ARID1B: variants seen among roughly 807,000 people sequenced by gnomAD.
ARID1B encodes the protein AT-rich interactive domain-containing protein 1B.
Under a neutral mutation model 212.3 loss-of-function variants are expected in ARID1B, and 30 were observed. The ratio of observed to expected loss-of-function variants is 0.14; its 90% CI spans 0.11 to 0.19. The LOEUF is 0.19. Among genes scored for constraint, ARID1B ranks in the 10% least tolerant of loss-of-function variants. The pLI is 1.00. For missense variants in ARID1B, 2,891 were observed against 3,204.0 expected, an observed-to-expected ratio of 0.90 and a Z score of 2.36; for synonymous variants, 1,402 against 1,301.7, an observed-to-expected ratio of 1.08 and a Z score of -1.66.
chr6:157,206,652 G>T lies in ARID1B; in HGVS notation c.5880G>T (p.Lys1960Asn). ...TEHIQTHFES[K>N]MEIPPRRRPP... ...ACATTCAGACTCACTTTGAGAGCAA[G>T]ATGGAAATTCCTCCTCGCAGGCGCC... Residue 1960 changes from lysine (K) to asparagine (N), a missense_variant, in exon 20 of 20, where the codon AAG (lysine) becomes AAT (asparagine). By Grantham distance (94) the Lys-to-Asn change is moderately conservative. Transcript: ENST00000636930. The surrounding 1 kb of genome is among the most constrained non-coding windows in gnomAD (Gnocchi z 6.8). 6.2e-7 allele frequency: 1 copy of T among 1,613,830 alleles called. No individual in the cohort carries two copies. The highest frequency in any genetic ancestry group is 8.5e-7 in the Non-Finnish European group (1 of 1,180,024).
intron 1 of ARID1B, among the ~76,000 whole-genome samples, chr6:156,806,374 C>T (rs955617448): frequency 6.6e-6 from 1 of 152,224 alleles, no homozygotes; most frequent in Admixed American, 6.5e-5. Flanking sequence ...TTCAGAACCT[C>T]CTTAGAGCTG....
intron 2 of ARID1B, among the ~76,000 whole-genome samples, chr6:156,871,101 A>T (rs530635815): frequency 7.9e-5 from 12 of 152,222 alleles, no homozygotes; most frequent in African/African-American, 2.9e-4. Flanking sequence ...CATTAATCTG[A>T]GGAGGTTTGA....
At chr6:157,045,188 G>T (rs997366051) in intron 4 of ARID1B, among the ~76,000 whole-genome samples, 5 of 152,184 alleles carry the variant, frequency 3.3e-5, no homozygotes, top group Admixed American at 6.5e-5. Flanking sequence ...TTTAAACAGG[G>T]TCATGAAATT....
intron 4 of ARID1B, among the ~76,000 whole-genome samples, chr6:157,067,693 A>G (rs1372001412): frequency 6.6e-6 from 1 of 152,000 alleles, no homozygotes; most frequent in Non-Finnish European, 1.5e-5. Context: ...GTGGTCATTG[A>G]CCTATTTGTT....
chr6:157,078,472 A>G (rs537417148), intron 4 of ARID1B, among the ~76,000 whole-genome samples: 2 of 152,332 alleles, frequency 1.3e-5, no homozygotes, highest in South Asian at 4.1e-4. Flanking sequence ...TTTCTAGTCT[A>G]CGTAACTCCT....
intron 4 of ARID1B, chr6:157,023,323 T>C (rs1008175801): frequency 6.6e-6 from 1 of 152,242 alleles, no homozygotes; most frequent in African/African-American, 2.4e-5. Flanking sequence ...TGCAATCTCT[T>C]TTAATAGTGC....
At chr6:156,782,161 C>T (rs1219219859) in intron 1 of ARID1B, among the ~76,000 whole-genome samples, 1 of 151,118 alleles carries the variant, frequency 6.6e-6, no homozygotes, top group African/African-American at 2.4e-5. Flanking sequence ...TGTAATTATA[C>T]TAAGAAACAG....
intron 4 of ARID1B, among the ~76,000 whole-genome samples, chr6:157,008,744 G>A (rs746222831): frequency 6.6e-6 from 1 of 152,074 alleles, no homozygotes; most frequent in East Asian, 1.9e-4. Context: ...CTCTGGGTAC[G>A]GGATCGGCGG....
At chr6:156,972,498 G>A (rs17087971) in intron 4 of ARID1B, among the ~76,000 whole-genome samples, 35,569 of 152,126 alleles carry the variant, frequency 0.23, 4,436 homozygotes, top group Admixed American at 0.27. Context: ...ATTGTGTCAC[G>A]TTGATGAAGG....
rs555652347 is a variant in ARID1B at position 157,124,713 on chromosome 6, A to C, written c.2582-8315A>C. Among the ~76,000 whole-genome samples, 3 of 152,222 alleles carry C rather than the reference A, an allele frequency of 2.0e-5. No individual in the cohort carries two copies. The South Asian group carries it at 6.2e-4, about 31-fold the overall frequency. On this transcript the variant is annotated intron_variant, in intron 6 of 19. Transcript: ENST00000636930. ...AAAATGTAGAGTGTATGTGAATAGT[A>C]TATGTAAGTATGTAAACATATGCAC...
At chr6:157,003,979 A>G (rs1238310263) in intron 4 of ARID1B, among the ~76,000 whole-genome samples, 2 of 152,152 alleles carry the variant, frequency 1.3e-5, no homozygotes, top group Non-Finnish European at 2.9e-5. Context: ...TACAAAAAGG[A>G]CAAAAATTAG....
intron 2 of ARID1B, among the ~76,000 whole-genome samples, chr6:156,841,377 C>G (rs1363674042): frequency 6.6e-6 from 1 of 152,072 alleles, no homozygotes; most frequent in Non-Finnish European, 1.5e-5. Context: ...AGGTTGAATT[C>G]TTAAAAATCA....
chr6:157,034,520 ATTGACT>A (rs1447490707), intron 4 of ARID1B, among the ~76,000 whole-genome samples: 1 of 152,206 alleles, frequency 6.6e-6, no homozygotes, highest in African/African-American at 2.4e-5. Context: ...AAATATAGTT[ATTGACT>A]TTTCTGTTAT....
intron 2 of ARID1B, among the ~76,000 whole-genome samples, chr6:156,869,793 T>C (rs557557087): frequency 1.5e-4 from 23 of 152,184 alleles, no homozygotes; most frequent in African/African-American, 5.5e-4. Flanking sequence ...AAAAAAAGAG[T>C]GAGCATTCCT....
intron 3 of ARID1B, among the ~76,000 whole-genome samples, chr6:156,919,499 G>C (rs538705509): frequency 6.6e-6 from 1 of 152,162 alleles, no homozygotes; most frequent in African/African-American, 2.4e-5. Flanking sequence ...GAGAAGAGTA[G>C]CCAGGAAGCC....
chr6:156,950,548 C>T (rs932571307), intron 4 of ARID1B, among the ~76,000 whole-genome samples: 10 of 152,138 alleles, frequency 6.6e-5, no homozygotes, highest in African/African-American at 9.7e-5. Context: ...CTTCTTCCAT[C>T]GCAGTTGATT....
intron 1 of ARID1B, among the ~76,000 whole-genome samples, chr6:156,794,881 C>T (rs1780251742): frequency 6.6e-6 from 1 of 152,124 alleles, no homozygotes; most frequent in Non-Finnish European, 1.5e-5. Context: ...CTGCACCTGG[C>T]CCACATTCTT....
intron 4 of ARID1B, among the ~76,000 whole-genome samples, chr6:157,074,765 C>G (rs1037717765): frequency 2.6e-5 from 4 of 152,068 alleles, no homozygotes; most frequent in Admixed American, 6.5e-5. Context: ...AAGTGATCAT[C>G]AGAGGAAACT....
chr6:157,083,259 G>T (rs937698264), intron 4 of ARID1B, among the ~76,000 whole-genome samples: 3 of 152,232 alleles, frequency 2.0e-5, no homozygotes, highest in African/African-American at 7.2e-5. Context: ...TTTGTAAACA[G>T]TAGCATAACC....
Sources: allele counts gnomAD v4.1 joint callset (sites outside exome capture counted in the v4.1 genomes callset), GRCh38; gene constraint gnomAD v4.1.1; non-coding constraint Gnocchi (gnomAD v3.1); transcripts MANE v1.5; gene names NCBI Gene and HGNC (gene_info 2026-07-23, HGNC 2026-07-21).